FUCA2: variants seen among roughly 807,000 people sequenced by gnomAD.
The protein encoded by FUCA2 is alpha-L-fucosidase 2.
Under a neutral mutation model 52.6 loss-of-function variants are expected in FUCA2, and 41 were observed. The observed-to-expected ratio is 0.78, with a 90% CI of 0.61 to 1.01. The LOEUF (loss-of-function observed/expected upper bound fraction) is 1.01, where lower values mean the gene tolerates loss of function less well. FUCA2 is among the 50% of genes least tolerant of loss of function. FUCA2 has a pLI of 0.00. For synonymous variants in FUCA2, 211 were observed against 217.3 expected, an observed-to-expected ratio of 0.97 and a Z score of 0.26; for missense variants, 507 against 569.5, an observed-to-expected ratio of 0.89 and a Z score of 1.12.
rs138290108 is a variant in FUCA2, at chr6:143,495,787, T to C, written c.1324A>G (p.Met442Val). 7.8e-5 allele frequency: 126 copies of C among 1,613,858 alleles called. No individual in the cohort carries two copies. The highest frequency in any genetic ancestry group is 9.9e-5 in the Non-Finnish European group (117 of 1,179,862). Residue 442 changes from methionine (M) to valine (V), a missense_variant, in exon 7 of 7, where the codon ATG (methionine) becomes GTG (valine). By Grantham distance (21) the Met-to-Val change is conservative. Coordinates refer to ENST00000002165, the MANE Select transcript of FUCA2 (RefSeq NM_032020.5). The surrounding 1 kb of genome is among the most constrained non-coding windows in gnomAD (Gnocchi z 5.2). ...ATGGTTAGCTGTGGCAGTTCTACCA[T>C]AATGCCATTTTGCTCCAAAGAAATC... is the stretch of plus-strand genomic sequence containing the variant. ...NWISLEQNGI[M>V]VELPQLTIHQ...
In FUCA2 at chr6:143,504,321, A is replaced by T; in HGVS notation, c.413-69T>A. On this transcript the variant is annotated intron_variant, in intron 2 of 6. Coordinates refer to ENST00000002165, the MANE Select transcript of FUCA2 (RefSeq NM_032020.5). This position sits in a 1 kb window ranked among gnomAD's most constrained non-coding sequence, Gnocchi z 4.4. Reference sequence around the variant, plus strand: ...TTTTAGTAAATTTCAACCCACACAAATGCCCAAACAAATCACATAGTACAT... The same window carrying T: ...TTTTAGTAAATTTCAACCCACACAATTGCCCAAACAAATCACATAGTACAT... The T allele has an allele frequency of 7.6e-7, 1 of 1,313,330 alleles. No homozygotes were observed. Among genetic ancestry groups the T allele is most frequent in the Non-Finnish European group, 1.1e-6 (1 of 943,292 alleles). The allele number at this position is 1,313,330 out of a possible 1,614,324, so 81.4% of individuals were successfully genotyped here. A position where few individuals can be genotyped will look rare whatever the true frequency, so the allele number is the denominator to read the frequency against.
At position 143,500,941 on chromosome 6, in the gene FUCA2, G is replaced by A. The variant is rs950637602; in HGVS notation, c.1154+991C>T. Reference sequence around the variant, plus strand: ...CACTCAGTGGCAGGGAAGTTGGTAGGAGCCAGACTCACAGTTTTATAAGCC... The same window carrying A: ...CACTCAGTGGCAGGGAAGTTGGTAGAAGCCAGACTCACAGTTTTATAAGCC... On this transcript the variant is annotated intron_variant, in intron 5 of 6. Transcript: ENST00000002165. The surrounding 1 kb of genome is among the most constrained non-coding windows in gnomAD (Gnocchi z 6.9). Among the ~76,000 whole-genome samples the A allele has an allele frequency of 3.9e-5, 6 of 152,262 alleles. No individual in the cohort carries two copies. The highest frequency in any genetic ancestry group is 1.2e-4 in the African/African-American group (5 of 41,554).
At position 143,499,469 on chromosome 6, in the gene FUCA2, T is replaced by A. The variant is rs920252868; in HGVS notation, c.1155-1972A>T. 2.6e-5 allele frequency among the ~76,000 whole-genome samples: 4 copies of A among 152,190 alleles called. No homozygotes were observed. The highest frequency in any genetic ancestry group is 5.9e-5 in the Non-Finnish European group (4 of 68,010). ...TACTCAGGAGGCTGAGGCAGGAGAA[T>A]CACTTGAACCTGGGAGGTGGAGGTT... is the stretch of plus-strand genomic sequence containing the variant. On this transcript the variant is annotated intron_variant, in intron 5 of 6. Transcript: ENST00000002165. The surrounding 1 kb of genome is among the most constrained non-coding windows in gnomAD (Gnocchi z 6.0).
At chr6:143,508,490 C>T (rs988473778) in intron 1 of FUCA2, among the ~76,000 whole-genome samples, 2 of 152,236 alleles carry the variant, frequency 1.3e-5, no homozygotes, top group African/African-American at 2.4e-5. Context: ...GCATACTATG[C>T]GGCAGGCATG....
Position 143,503,947 on chromosome 6 carries a change from T to A in FUCA2, c.718A>T (p.Ser240Cys). 1.2e-6 allele frequency: 2 copies of A among 1,614,104 alleles called. No individual in the cohort carries two copies. The highest frequency in any genetic ancestry group is 1.7e-6 in the Non-Finnish European group (2 of 1,179,992). ...DGGAPDQYWN[S>C]TGFLAWLYNE... ...TATAACCAGGCCAAGAAGCCTGTGC[T>A]GTTCCAGTATTGATCCGGTGCTCCT... The change falls in exon 3 of 7, where the codon AGC becomes TGC. Residue 240 changes from serine (S) to cysteine (C), a missense_variant. Coordinates refer to ENST00000002165, the MANE Select transcript of FUCA2 (RefSeq NM_032020.5). This position sits in a 1 kb window ranked among gnomAD's most constrained non-coding sequence, Gnocchi z 4.8.
Position 143,495,512 on chromosome 6 carries a change from A to G in FUCA2, c.*195T>C, listed in dbSNP as rs1311682127. Reference sequence around the variant, plus strand: ...TCAATGTGAAGAGACTTTAATGGCAAAGTGCACTGGAGAGTTAAAATGGTT... The same window carrying G: ...TCAATGTGAAGAGACTTTAATGGCAGAGTGCACTGGAGAGTTAAAATGGTT... On this transcript the variant is annotated 3_prime_UTR_variant, in exon 7 of 7. Coordinates refer to ENST00000002165, the MANE Select transcript of FUCA2 (RefSeq NM_032020.5). This position sits in a 1 kb window ranked among gnomAD's most constrained non-coding sequence, Gnocchi z 5.2. 1.9e-5 allele frequency: 9 copies of G among 483,960 alleles called. No homozygotes were observed. Among genetic ancestry groups the G allele is most frequent in the Non-Finnish European group, 2.9e-5 (8 of 278,522 alleles). The allele number at this position is 483,960 out of a possible 1,614,324, so 30.0% of individuals were successfully genotyped here.
rs1332924771 is a variant in FUCA2 at position 143,499,488 on chromosome 6, G to A, written c.1155-1991C>T. Reference sequence around the variant, plus strand: ...GGAGAATCACTTGAACCTGGGAGGTGGAGGTTGCCGTGAGCCAAGATCGCA... The same window carrying A: ...GGAGAATCACTTGAACCTGGGAGGTAGAGGTTGCCGTGAGCCAAGATCGCA... On this transcript the variant is annotated intron_variant, in intron 5 of 6. Transcript: ENST00000002165. This position sits in a 1 kb window ranked among gnomAD's most constrained non-coding sequence, Gnocchi z 6.0. Among the ~76,000 whole-genome samples, 3 of 152,166 alleles carry A rather than the reference G, an allele frequency of 2.0e-5. No individual in the cohort carries two copies. The highest frequency in any genetic ancestry group is 7.2e-5 in the African/African-American group (3 of 41,436).
Position 143,500,183 on chromosome 6 carries a change from G to A in FUCA2, c.1154+1749C>T, listed in dbSNP as rs183853654. 3.5e-4 allele frequency among the ~76,000 whole-genome samples: 53 copies of A among 152,122 alleles called. No homozygotes were observed. Among genetic ancestry groups the A allele is most frequent in the African/African-American group, 1.3e-3 (52 of 41,500 alleles). ...AGAGGGAGCAAGGGTTCAGGAGTTG[G>A]GTGTATGCAATAGATTAGTTACAGT... On this transcript the variant is annotated intron_variant, in intron 5 of 6. Coordinates refer to ENST00000002165, the MANE Select transcript of FUCA2 (RefSeq NM_032020.5). This position sits in a 1 kb window ranked among gnomAD's most constrained non-coding sequence, Gnocchi z 6.9.
rs1344480879 is a variant in FUCA2 at position 143,500,456 on chromosome 6, G to A, written c.1154+1476C>T. Among the ~76,000 whole-genome samples, 1 of 152,106 alleles carries A rather than the reference G, an allele frequency of 6.6e-6. No homozygotes were observed. The highest frequency in any genetic ancestry group is 1.5e-5 in the Non-Finnish European group (1 of 68,026). On this transcript the variant is annotated intron_variant, in intron 5 of 6. Transcript: ENST00000002165. This position sits in a 1 kb window ranked among gnomAD's most constrained non-coding sequence, Gnocchi z 6.9. ...AAGAAAGGGAAGTTAAGGACACCAAGGTTTTTGGCCTGACAACCACCTAAA... is the reference window on the plus strand; with the variant it reads ...AAGAAAGGGAAGTTAAGGACACCAAAGTTTTTGGCCTGACAACCACCTAAA...
In FUCA2 at chr6:143,497,448, A is replaced by G; in HGVS notation, c.1204T>C (p.Trp402Arg). 6.2e-7 allele frequency: 1 copy of G among 1,613,994 alleles called. No individual in the cohort carries two copies. The highest frequency in any genetic ancestry group is 8.5e-7 in the Non-Finnish European group (1 of 1,179,920). ...AGGAACAGCTGTCCTGATGTGGGCC[A>G]TTTAAGAAAAATGGCATAGACTAAT... ...EKLVYAIFLKWPTSGQLFLGH... is the reference protein window; with the variant it reads ...EKLVYAIFLKRPTSGQLFLGH... The change falls in exon 6 of 7, where the codon TGG becomes CGG. Residue 402 changes from tryptophan (W) to arginine (R), a missense_variant. Transcript: ENST00000002165. The surrounding 1 kb of genome is among the most constrained non-coding windows in gnomAD (Gnocchi z 5.3).
rs983689395 is a variant in FUCA2 at position 143,511,304 on chromosome 6, G to T, written c.224+107C>A. 3.0e-6 allele frequency: 3 copies of T among 1,001,584 alleles called. No homozygotes were observed. The highest frequency in any genetic ancestry group is 3.4e-5 in the African/African-American group (2 of 59,640). The allele number at this position is 1,001,584 out of a possible 1,614,324, so 62.0% of individuals were successfully genotyped here. A position where few individuals can be genotyped will look rare whatever the true frequency, so the allele number is the denominator to read the frequency against. ...TAACGCAGTGGGAGGTGAAACCGAC[G>T]AGGGTGCAGGCAGCACCAGGCGGCG... On this transcript the variant is annotated intron_variant, in intron 1 of 6. Transcript: ENST00000002165. This position sits in a 1 kb window ranked among gnomAD's most constrained non-coding sequence, Gnocchi z 6.3.
rs377122677 is a variant in FUCA2, at chr6:143,499,781, AGT to A, written c.1154+2149_1154+2150del. Reference sequence around the variant, plus strand: ...TGGGCCTTGAGAAGAGCAATTCTGGAGTGTGGGGGTGGAAGCTCGACCAGAGG... The same window carrying A: ...TGGGCCTTGAGAAGAGCAATTCTGGAGTGGGGGTGGAAGCTCGACCAGAGG... On this transcript the variant is annotated intron_variant, in intron 5 of 6. Transcript: ENST00000002165. This position sits in a 1 kb window ranked among gnomAD's most constrained non-coding sequence, Gnocchi z 6.0. Among the ~76,000 whole-genome samples the A allele has an allele frequency of 2.0e-3, 303 of 152,228 alleles. No homozygotes were observed. The highest frequency in any genetic ancestry group is 6.9e-3 in the African/African-American group (285 of 41,536).
rs1780630224 is a variant in FUCA2, at chr6:143,507,854, A to C, written c.225-430T>G. 6.6e-6 allele frequency among the ~76,000 whole-genome samples: 1 copy of C among 151,674 alleles called. No homozygotes were observed. Among genetic ancestry groups the C allele is most frequent in the Non-Finnish European group, 1.5e-5 (1 of 67,934 alleles). Reference sequence around the variant, plus strand: ...CTGGCTATTTTTTTTTTCTTTGTAGAGATGTGGTTTCCATATGTTGCCCAG... The same window carrying C: ...CTGGCTATTTTTTTTTTCTTTGTAGCGATGTGGTTTCCATATGTTGCCCAG... On this transcript the variant is annotated intron_variant, in intron 1 of 6. Coordinates refer to ENST00000002165, the MANE Select transcript of FUCA2 (RefSeq NM_032020.5). This position sits in a 1 kb window ranked among gnomAD's most constrained non-coding sequence, Gnocchi z 4.5.
In FUCA2 at chr6:143,502,330, A is replaced by G. The variant is rs765528096; in HGVS notation, c.963+25T>C. 19 of 1,602,066 alleles carry G rather than the reference A, an allele frequency of 1.2e-5. No homozygotes were observed. In the South Asian group the frequency reaches 1.5e-4, roughly 13 times the overall value. ...CCACACTATTAAGAATATTATGTTA[A>G]TAGCCACCAGACATTTCACTGTACC... On this transcript the variant is annotated intron_variant, in intron 4 of 6. Coordinates refer to ENST00000002165, the MANE Select transcript of FUCA2 (RefSeq NM_032020.5). This position sits in a 1 kb window ranked among gnomAD's most constrained non-coding sequence, Gnocchi z 4.1.
chr6:143,508,776 C>A (rs958893135), intron 1 of FUCA2, among the ~76,000 whole-genome samples: 33 of 152,226 alleles, frequency 2.2e-4, no homozygotes, highest in Admixed American at 2.0e-4. Flanking sequence ...TTGATTTCAT[C>A]AATGAACCGA....
At chr6:143,508,251 A>T (rs1262988630) in intron 1 of FUCA2, among the ~76,000 whole-genome samples, 9 of 152,246 alleles carry the variant, frequency 5.9e-5, no homozygotes, top group Non-Finnish European at 1.3e-4. Context: ...TATTGACCCT[A>T]AACTGCGTAA....
At position 143,502,088 on chromosome 6, in the gene FUCA2, A is replaced by C. The variant is rs1236680203; in HGVS notation, c.998T>G (p.Leu333Arg). Reference protein sequence around the residue: ...LVETVSCGGNLLMNIGPTLDG... With the variant: ...LVETVSCGGNRLMNIGPTLDG... ...TAGTGTGGGCCCAATATTCATCAAAAGATTTCCTCCACATGAAACTGTCTC... is the reference window on the plus strand; with the variant it reads ...TAGTGTGGGCCCAATATTCATCAAACGATTTCCTCCACATGAAACTGTCTC... Residue 333 changes from leucine (L) to arginine (R), a missense_variant, in exon 5 of 7, where the codon CTT becomes CGT. By Grantham distance (102) the Leu-to-Arg change is moderately radical. Coordinates refer to ENST00000002165, the MANE Select transcript of FUCA2 (RefSeq NM_032020.5). The surrounding 1 kb of genome is among the most constrained non-coding windows in gnomAD (Gnocchi z 4.1). 6.2e-7 allele frequency: 1 copy of C among 1,611,580 alleles called. No homozygotes were observed. Among genetic ancestry groups the C allele is most frequent in the East Asian group, 2.2e-5 (1 of 44,874 alleles).
rs529032539 is a variant in FUCA2 at position 143,511,268 on chromosome 6, C to T, written c.224+143G>A. 8.8e-6 allele frequency: 6 copies of T among 679,658 alleles called. No individual in the cohort carries two copies. Among genetic ancestry groups the T allele is most frequent in the Non-Finnish European group, 1.4e-5 (6 of 418,168 alleles). The allele number at this position is 679,658 out of a possible 1,614,324, so 42.1% of individuals were successfully genotyped here. On this transcript the variant is annotated intron_variant, in intron 1 of 6. Coordinates refer to ENST00000002165, the MANE Select transcript of FUCA2 (RefSeq NM_032020.5). This position sits in a 1 kb window ranked among gnomAD's most constrained non-coding sequence, Gnocchi z 6.3. The stretch of plus-strand genomic sequence containing the variant: ...ACCACATATTCGACACCCGGAAGTG[C>T]GAAACGCGGGTAACGCAGTGGGAGG...
In FUCA2 at chr6:143,502,616, C is replaced by A. The variant is rs1562664885; in HGVS notation, c.753-51G>T. 1 of 1,451,452 alleles carries A rather than the reference C, an allele frequency of 6.9e-7. No individual in the cohort carries two copies. The highest frequency in any genetic ancestry group is 1.4e-5 in the African/African-American group (1 of 70,794). The allele number at this position is 1,451,452 out of a possible 1,614,324, so 89.9% of individuals were successfully genotyped here. A position where few individuals can be genotyped will look rare whatever the true frequency, so the allele number is the denominator to read the frequency against. On this transcript the variant is annotated intron_variant, in intron 3 of 6. Coordinates refer to ENST00000002165, the MANE Select transcript of FUCA2 (RefSeq NM_032020.5). The surrounding 1 kb of genome is among the most constrained non-coding windows in gnomAD (Gnocchi z 4.1). ...AAACAAAAGGTATAAGCTTTTTATA[C>A]AAAAAGAAATGTCACTGAAAAGACA... is the stretch of plus-strand genomic sequence containing the variant.
Sources: allele counts gnomAD v4.1 joint callset (sites outside exome capture counted in the v4.1 genomes callset), GRCh38; gene constraint gnomAD v4.1.1; non-coding constraint Gnocchi (gnomAD v3.1); transcripts MANE v1.5; gene names NCBI Gene and HGNC (gene_info 2026-07-23, HGNC 2026-07-21).